Variants in SGCZ observed in about 807,000 individuals in gnomAD.
SGCZ encodes zeta-sarcoglycan.
SGCZ carries 40 observed loss-of-function variants against 41.3 expected under a neutral mutation model. The ratio of observed to expected loss-of-function variants is 0.97; its 90% CI spans 0.75 to 1.26. The LOEUF (loss-of-function observed/expected upper bound fraction) is 1.26. Among genes scored for constraint, SGCZ ranks in the 50% most tolerant of loss-of-function variants. The pLI, the probability that SGCZ is intolerant of heterozygous loss-of-function variation, is 0.00. For missense variants in SGCZ, 552 were observed against 369.8 expected, an observed-to-expected ratio of 1.49 and a Z score of -4.04; for synonymous variants, 206 against 137.5, an observed-to-expected ratio of 1.50 and a Z score of -3.49.
chr8:14,163,421 G>T (rs56145133), intron 5 of SGCZ, among the ~76,000 whole-genome samples: 1 of 151,930 alleles, frequency 6.6e-6, no homozygotes, highest in East Asian at 1.9e-4. Context: ...AACATGTGGT[G>T]TTTGGCTTTC....
chr8:14,326,471 A>G (rs1802122081), intron 2 of SGCZ, among the ~76,000 whole-genome samples: 1 of 152,194 alleles, frequency 6.6e-6, no homozygotes, highest in African/African-American at 2.4e-5. Flanking sequence ...AAGCCAGACT[A>G]AAGGATAATG....
chr8:14,970,675 T>C (rs551610607), intron 1 of SGCZ, among the ~76,000 whole-genome samples: 1 of 152,312 alleles, frequency 6.6e-6, no homozygotes, highest in Non-Finnish European at 1.5e-5. Flanking sequence ...TCTATCTTTG[T>C]ACTAATGCTG....
chr8:14,491,972 C>T (rs572186519), intron 2 of SGCZ, among the ~76,000 whole-genome samples: 221 of 152,076 alleles, frequency 1.5e-3, no homozygotes, highest in African/African-American at 5.1e-3. Flanking sequence ...AAATCTAAGA[C>T]GACTTAGATA....
Position 14,377,919 on chromosome 8 carries a change from C to T in SGCZ, c.235-53715G>A, listed in dbSNP as rs1260168898. ...GTATATGTGCCACATTTTCTTAATCCAGTCTATCATCGTTGGACATTAGGC... is the reference window on the plus strand; with the variant it reads ...GTATATGTGCCACATTTTCTTAATCTAGTCTATCATCGTTGGACATTAGGC... On this transcript the variant is annotated intron_variant, in intron 2 of 7. Transcript: ENST00000382080. Among the ~76,000 whole-genome samples, 7 of 150,668 alleles carry T rather than the reference C, an allele frequency of 4.6e-5. No individual in the cohort carries two copies. In the East Asian group the frequency reaches 7.7e-4, roughly 17 times the overall value.
intron 1 of SGCZ, among the ~76,000 whole-genome samples, chr8:15,055,415 C>G (rs556553802): frequency 6.6e-6 from 1 of 152,222 alleles, no homozygotes; most frequent in African/African-American, 2.4e-5. Context: ...TGGACAAACA[C>G]AGATGGAAAA....
chr8:14,488,456 T>G (rs1585582931), intron 2 of SGCZ, among the ~76,000 whole-genome samples: 1 of 151,960 alleles, frequency 6.6e-6, no homozygotes, highest in East Asian at 1.9e-4. Context: ...CCTTCGCTTG[T>G]GCTTCCTAAG....
At chr8:14,853,257 C>T (rs190218287) in intron 1 of SGCZ, among the ~76,000 whole-genome samples, 48 of 152,242 alleles carry the variant, frequency 3.2e-4, no homozygotes, top group African/African-American at 1.1e-3. Context: ...GATCAAAATG[C>T]TCATGTGAGG....
Position 15,098,879 on chromosome 8 carries a change from C to T in SGCZ, c.39+138706G>A, listed in dbSNP as rs542236395. Among the ~76,000 whole-genome samples, 5 of 152,216 alleles carry T rather than the reference C, an allele frequency of 3.3e-5. 1 individual carries two copies. Among genetic ancestry groups the T allele is most frequent in the South Asian group, 2.1e-4 (1 of 4,822 alleles). ...TTCAAGACCAGCCCGGCCAACATGG[C>T]GAAATCCTGTCTCTACTTAAATACA... On this transcript the variant is annotated intron_variant, in intron 1 of 7. Coordinates refer to ENST00000382080, the MANE Select transcript of SGCZ (RefSeq NM_139167.4).
chr8:14,477,672 TC>T (rs1801400019), intron 2 of SGCZ, among the ~76,000 whole-genome samples: 1 of 152,182 alleles, frequency 6.6e-6, no homozygotes, highest in Admixed American at 6.5e-5. Context: ...GGTCTAACTT[TC>T]TAAACATAAA....
At chr8:14,780,448 G>A (rs1800554330) in intron 1 of SGCZ, among the ~76,000 whole-genome samples, 1 of 151,040 alleles carries the variant, frequency 6.6e-6, no homozygotes, top group African/African-American at 2.4e-5. Context: ...TAGACATATT[G>A]AACCTAAAGA....
At chr8:14,663,918 G>C (rs1807830209) in intron 1 of SGCZ, among the ~76,000 whole-genome samples, 2 of 152,140 alleles carry the variant, frequency 1.3e-5, no homozygotes, top group Admixed American at 1.3e-4. Context: ...AGGAGGGAAG[G>C]ATGGAACAAG....
chr8:14,256,149 A>G (rs918996927), intron 3 of SGCZ, among the ~76,000 whole-genome samples: 2 of 152,160 alleles, frequency 1.3e-5, no homozygotes, highest in African/African-American at 2.4e-5. Flanking sequence ...TATGATATAT[A>G]AAATGCTTTC....
At chr8:14,098,121 T>C (rs1002113209) in intron 7 of SGCZ, among the ~76,000 whole-genome samples, 3 of 152,156 alleles carry the variant, frequency 2.0e-5, no homozygotes, top group Non-Finnish European at 2.9e-5. Context: ...CAAATAGTTA[T>C]TCAGTAAATG....
At chr8:14,496,045 C>T (rs747310110) in intron 2 of SGCZ, among the ~76,000 whole-genome samples, 10 of 152,118 alleles carry the variant, frequency 6.6e-5, no homozygotes, top group African/African-American at 1.9e-4. Flanking sequence ...TTGGAAAGAT[C>T]GTGTGGTCTC....
At chr8:14,649,081 G>A (rs549355012) in intron 1 of SGCZ, among the ~76,000 whole-genome samples, 9 of 152,192 alleles carry the variant, frequency 5.9e-5, no homozygotes, top group South Asian at 2.1e-4. Flanking sequence ...AACTGACTGC[G>A]TGTTTTCAAA....
intron 1 of SGCZ, among the ~76,000 whole-genome samples, chr8:14,707,360 G>T (rs552852878): frequency 6.6e-6 from 1 of 151,864 alleles, no homozygotes; most frequent in Non-Finnish European, 1.5e-5. Context: ...TTTAACAAAC[G>T]ATGTTAGTAA....
chr8:15,179,083 T>C (rs1800083893), intron 1 of SGCZ, among the ~76,000 whole-genome samples: 1 of 152,160 alleles, frequency 6.6e-6, no homozygotes, highest in African/African-American at 2.4e-5. Flanking sequence ...AGAGTTGTTT[T>C]GCTGGGAACA....
chr8:14,619,660 G>T (rs1377589201), intron 1 of SGCZ, among the ~76,000 whole-genome samples: 1 of 152,052 alleles, frequency 6.6e-6, no homozygotes, highest in East Asian at 1.9e-4. Flanking sequence ...GACAAACAGA[G>T]AACCAAATCA....
At chr8:14,129,819 T>C (rs1039367012) in intron 5 of SGCZ, among the ~76,000 whole-genome samples, 1 of 151,952 alleles carries the variant, frequency 6.6e-6, no homozygotes, top group African/African-American at 2.4e-5. Flanking sequence ...TGACAAAACA[T>C]TGCCCAGAGA....
Sources: gnomAD v4.1 joint callset for allele counts (sites outside exome capture counted in the v4.1 genomes callset) on GRCh38, gnomAD v4.1.1 for gene constraint, MANE v1.5 for transcripts, NCBI Gene and HGNC (gene_info 2026-07-23, HGNC 2026-07-21) for gene names.